Variants in SYNJ1 observed in about 807,000 individuals in gnomAD.
SYNJ1 encodes the protein synaptojanin 1.
Under a neutral mutation model 168.2 loss-of-function variants are expected in SYNJ1, and 78 were observed. That is an observed-to-expected ratio of 0.46 (90% CI 0.39 to 0.56). The LOEUF is 0.56. SYNJ1 is among the 20% of genes least tolerant of loss of function. SYNJ1 has a pLI of 0.00. For missense variants in SYNJ1, 1,303 were observed against 1,597.6 expected (o/e 0.82, Z 3.14); for synonymous variants, 539 against 548.6 (o/e 0.98, Z 0.24).
At chr21:32,709,951 C>A (rs2042767146) in intron 2 of SYNJ1, among the ~76,000 whole-genome samples, 2 of 151,948 alleles carry the variant, frequency 1.3e-5, no homozygotes, top group Admixed American at 1.3e-4. Context: ...GTAATCCCAG[C>A]ACTTTGGGAG....
In SYNJ1 at chr21:32,648,604, G is replaced by A. The variant is rs781587941; in HGVS notation, c.3037+1580C>T. Reference sequence around the variant, plus strand: ...TTGTTTCTTCTCATTTTCTTTTCACGGGCAGCCTTCTTCTGTCTATATTTA... The same window carrying A: ...TTGTTTCTTCTCATTTTCTTTTCACAGGCAGCCTTCTTCTGTCTATATTTA... On this transcript the variant is annotated intron_variant, in intron 23 of 32. Transcript: ENST00000674351. Among the ~76,000 whole-genome samples the A allele has an allele frequency of 1.7e-4, 26 of 151,908 alleles. 1 individual carries two copies. Among genetic ancestry groups the A allele is most frequent in the South Asian group, 1.2e-3 (6 of 4,816 alleles).
At chr21:32,688,400 A>T (rs758212117) in intron 6 of SYNJ1, 33 bp from the exon 7 acceptor site, 2 of 1,582,554 alleles carry the variant, frequency 1.3e-6, no homozygotes, top group South Asian at 2.3e-5. Context: ...AATCAAACCA[A>T]AAACCAACAT....
At chr21:32,634,691 C>T (rs2048236686) in intron 32 of SYNJ1, among the ~76,000 whole-genome samples, 170 bp downstream of exon 32, 1 of 151,790 alleles carries the variant, frequency 6.6e-6, no homozygotes, top group South Asian at 2.1e-4. Flanking sequence ...TCCTAAAATC[C>T]AAAATACTAA....
chr21:32,666,715 A>G, intron 15 of SYNJ1, 142 bp from the exon 16 acceptor site: 2 of 783,386 alleles, frequency 2.6e-6, no homozygotes, highest in Non-Finnish European at 3.6e-6. Context: ...TTCCTTTAAA[A>G]AGGAAAATCT....
chr21:32,681,359 T>A, intron 11 of SYNJ1, 137 bp downstream of exon 11: 1 of 1,004,134 alleles, frequency 1.0e-6, no homozygotes, highest in East Asian at 2.6e-5. Flanking sequence ...AAAGAAGGCA[T>A]AAAAGCACAT....
intron 18 of SYNJ1, among the ~76,000 whole-genome samples, 188 bp downstream of exon 18, chr21:32,664,721 GTGTC>G (rs1290420526): frequency 3.3e-5 from 5 of 152,098 alleles, no homozygotes; most frequent in Admixed American, 6.6e-5. Context: ...CTACAACTTG[GTGTC>G]TGAAGGGTTC....
intron 23 of SYNJ1, among the ~76,000 whole-genome samples, chr21:32,649,338 A>T (rs889609587): frequency 6.6e-6 from 1 of 152,222 alleles, no homozygotes; most frequent in Non-Finnish European, 1.5e-5. Context: ...TCAACTCTTA[A>T]ATGTGGTACC....
At chr21:32,727,727 A>G (rs1601566678) in intron 1 of SYNJ1, 3 of 1,022,028 alleles carry the variant, frequency 2.9e-6, no homozygotes, top group East Asian at 6.5e-5. Context: ...GCGGGCTGAC[A>G]GCCGCTGTCA....
At chr21:32,656,275 A>C (rs1224117932) in intron 21 of SYNJ1, among the ~76,000 whole-genome samples, 1 of 152,098 alleles carries the variant, frequency 6.6e-6, no homozygotes, top group African/African-American at 2.4e-5. Flanking sequence ...CTACAAAAAC[A>C]AAACAAAACA....
intron 6 of SYNJ1, among the ~76,000 whole-genome samples, chr21:32,693,734 A>G (rs2042109101): frequency 6.6e-6 from 1 of 152,196 alleles, no homozygotes; most frequent in African/African-American, 2.4e-5. Flanking sequence ...ACAACCCTAT[A>G]AAGTAGGTAC....
chr21:32,723,196 T>C (rs887259995), intron 2 of SYNJ1, among the ~76,000 whole-genome samples: 3 of 152,218 alleles, frequency 2.0e-5, no homozygotes, highest in Admixed American at 6.5e-5. Context: ...AGGGGATCCA[T>C]TGTATGAGAC....
chr21:32,631,301 T>C lies in SYNJ1; in HGVS notation c.*504A>G, dbSNP rs745632049. The C allele has an allele frequency of 3.1e-6, 5 of 1,614,224 alleles. No homozygotes were observed. The highest frequency in any genetic ancestry group is 1.3e-5 in the African/African-American group (1 of 75,060). The stretch of plus-strand genomic sequence containing the variant: ...ATCCTTTCGGGTTGCTAATTTTTAA[T>C]GTAGACTGGCCCTGTAGATCAAAAC... On this transcript the variant is annotated 3_prime_UTR_variant, in exon 33 of 33. Coordinates refer to ENST00000674351, the MANE Select transcript of SYNJ1 (RefSeq NM_203446.3).
Position 32,687,025 on chromosome 21 carries a change from A to T in SYNJ1, c.901T>A (p.Leu301Met). 5 of 1,549,806 alleles carry T rather than the reference A, an allele frequency of 3.2e-6. No individual in the cohort carries two copies. Among genetic ancestry groups the T allele is most frequent in the Non-Finnish European group, 4.3e-6 (5 of 1,154,442 alleles). The part of the protein sequence containing the change: ...NLYGKQIIVN[L>M]LGSKEGEHML... ...TGTTCACCTTCCTTAGATCCAAGCAAATTTACTATTATTTGTTTACCATAT... is the reference window on the plus strand; with the variant it reads ...TGTTCACCTTCCTTAGATCCAAGCATATTTACTATTATTTGTTTACCATAT... The change falls in exon 8 of 33, where the codon TTG becomes ATG. Residue 301 changes from leucine to methionine, a missense_variant. Leu to Met is a conservative substitution (Grantham distance 15, BLOSUM62 2). This residue lies in a region of SYNJ1 where 920 missense variants were observed against 1,208.8 expected (regional missense o/e 0.76). Coordinates refer to ENST00000674351, the MANE Select transcript of SYNJ1 (RefSeq NM_203446.3).
intron 7 of SYNJ1, among the ~76,000 whole-genome samples, chr21:32,687,703 T>C (rs916577840): frequency 1.3e-5 from 2 of 152,232 alleles, no homozygotes; most frequent in African/African-American, 2.4e-5. Flanking sequence ...ACAACTACAG[T>C]TAACCTTTCA....
At chr21:32,656,443 T>TA (rs891476260) in intron 21 of SYNJ1, among the ~76,000 whole-genome samples, 4 of 151,320 alleles carry the variant, frequency 2.6e-5, no homozygotes, top group African/African-American at 9.7e-5. Context: ...GACCCTGTCT[T>TA]AAAAAAAAAG....
Position 32,695,848 on chromosome 21 carries a change from T to C in SYNJ1, c.480-566A>G, listed in dbSNP as rs536191589. Among the ~76,000 whole-genome samples the C allele has an allele frequency of 1.0e-3, 150 of 149,810 alleles. 1 individual carries two copies. Among genetic ancestry groups the C allele is most frequent in the African/African-American group, 3.5e-3 (144 of 41,070 alleles). The stretch of plus-strand genomic sequence containing the variant: ...GGGCTAATTTTTTGTTTTGTTTTGT[T>C]TTTTTTTTTCTTTTTTGAGACGGAG... On this transcript the variant is annotated intron_variant, in intron 4 of 32. Coordinates refer to ENST00000674351, the MANE Select transcript of SYNJ1 (RefSeq NM_203446.3).
At chr21:32,681,427 C>T in intron 11 of SYNJ1, 69 bp downstream of exon 11, 1 of 1,469,022 alleles carries the variant, frequency 6.8e-7, no homozygotes, top group Non-Finnish European at 9.1e-7. Flanking sequence ...TTTTAAAAGG[C>T]CATTTAAAAG....
chr21:32,684,022 T>C lies in SYNJ1; in HGVS notation c.1200+16A>G. ...CAGATGATACAAGGCACATACATTTTAATTTATTCTTTTACCTCTAAGCCA... is the reference window on the plus strand; with the variant it reads ...CAGATGATACAAGGCACATACATTTCAATTTATTCTTTTACCTCTAAGCCA... On this transcript the variant is annotated intron_variant, in intron 10 of 32. Transcript: ENST00000674351. 1 of 1,610,688 alleles carries C rather than the reference T, an allele frequency of 6.2e-7. No homozygotes were observed. Among genetic ancestry groups the C allele is most frequent in the Non-Finnish European group, 8.5e-7 (1 of 1,177,262 alleles).
At position 32,665,874 on chromosome 21, in the gene SYNJ1, T is replaced by C. The variant is rs2040908135; in HGVS notation, c.2145+69A>G. The C allele has an allele frequency of 5.7e-6, 8 of 1,415,586 alleles. No individual in the cohort carries two copies. In the South Asian group the frequency reaches 1.0e-4, roughly 18 times the overall value. 87.7% of individuals were successfully genotyped at this position (1,415,586 alleles called of 1,614,324 possible). A position where few individuals can be genotyped will look rare whatever the true frequency, so the allele number is the denominator to read the frequency against. ...TATCTTAAATTTCCAAAAACATTGA[T>C]GTAGAATTTGGGGCAAATTAAAATA... On this transcript the variant is annotated intron_variant, in intron 17 of 32. Coordinates refer to ENST00000674351, the MANE Select transcript of SYNJ1 (RefSeq NM_203446.3).
Sources: gnomAD v4.1 joint callset for allele counts (sites outside exome capture counted in the v4.1 genomes callset) on GRCh38, gnomAD v4.1.1 for gene constraint, gnomAD v4.1.1 regional missense constraint, MANE v1.5 for transcripts, NCBI Gene and HGNC (gene_info 2026-07-23, HGNC 2026-07-21) for gene names.